RASGRF2: variants seen among roughly 807,000 people sequenced by gnomAD.
RASGRF2 encodes the protein Ras protein specific guanine nucleotide releasing factor 2, also known as ras-specific guanine nucleotide-releasing factor 2.
RASGRF2 carries 76 observed loss-of-function variants against 151.0 expected under a neutral mutation model. The ratio of observed to expected loss-of-function variants is 0.50; its 90% CI spans 0.42 to 0.61. The LOEUF (loss-of-function observed/expected upper bound fraction) is 0.61. Among genes scored for constraint, RASGRF2 ranks in the 20% least tolerant of loss-of-function variants. The pLI, the probability that RASGRF2 is intolerant of heterozygous loss-of-function variation, is 0.00. For missense variants in RASGRF2, 1,148 were observed against 1,564.6 expected (o/e 0.73, Z 4.49); for synonymous variants, 504 against 566.5 (o/e 0.89, Z 1.57).
chr5:80,996,443 C>T (rs888460686), intron 1 of RASGRF2, among the ~76,000 whole-genome samples: 1 of 141,376 alleles, frequency 7.1e-6, no homozygotes, highest in African/African-American at 2.7e-5. Flanking sequence ...TCAGAAGAAA[C>T]TGCAGGATAC....
chr5:81,126,265 C>A (rs910838960), intron 16 of RASGRF2, among the ~76,000 whole-genome samples: 2 of 152,158 alleles, frequency 1.3e-5, no homozygotes, highest in African/African-American at 4.8e-5. Context: ...TTTAAAAGGG[C>A]CACACTTAAA....
chr5:81,221,787 G>C (rs1755861876), intron 26 of RASGRF2, among the ~76,000 whole-genome samples: 1 of 152,186 alleles, frequency 6.6e-6, no homozygotes, highest in South Asian at 2.1e-4. Context: ...GACCAGCCTG[G>C]CCAACATGGT....
chr5:81,039,957 A>T (rs1363025758), intron 1 of RASGRF2, among the ~76,000 whole-genome samples: 1 of 152,146 alleles, frequency 6.6e-6, no homozygotes. Context: ...TCACTCATTT[A>T]AAAAAATACT....
intron 23 of RASGRF2, among the ~76,000 whole-genome samples, chr5:81,213,200 C>T (rs1235654904): frequency 6.6e-6 from 1 of 152,146 alleles, no homozygotes; most frequent in Non-Finnish European, 1.5e-5. Flanking sequence ...CTCTGGCCTC[C>T]TGTGGTCATT....
At chr5:81,172,746 A>G (rs1008373368) in intron 17 of RASGRF2, among the ~76,000 whole-genome samples, 10 of 152,150 alleles carry the variant, frequency 6.6e-5, no homozygotes, top group East Asian at 1.9e-4. Context: ...TAGAAGGCCT[A>G]TGATGCAGTT....
chr5:81,173,598 G>A (rs886820656), intron 17 of RASGRF2, among the ~76,000 whole-genome samples: 2 of 152,090 alleles, frequency 1.3e-5, no homozygotes, highest in African/African-American at 4.8e-5. Context: ...TGTCTGCACT[G>A]ACCAGCTATT....
intron 2 of RASGRF2, among the ~76,000 whole-genome samples, chr5:81,043,847 A>C (rs1039618214): frequency 6.6e-6 from 1 of 150,386 alleles, no homozygotes; most frequent in African/African-American, 2.5e-5. Context: ...TCCCTCTACC[A>C]CTCCCGCCCT....
At chr5:81,201,191 G>A in intron 18 of RASGRF2, 139 bp from the exon 19 acceptor site, 1 of 1,314,768 alleles carries the variant, frequency 7.6e-7, no homozygotes, top group Non-Finnish European at 1.0e-6. Context: ...GACCCTAGGT[G>A]TGGCAGGGAA....
At chr5:81,182,957 G>T (rs1402032288) in intron 18 of RASGRF2, among the ~76,000 whole-genome samples, 1 of 152,130 alleles carries the variant, frequency 6.6e-6, no homozygotes, top group Non-Finnish European at 1.5e-5. Context: ...TATTGTTTTT[G>T]GTTTTCACAT....
intron 17 of RASGRF2, among the ~76,000 whole-genome samples, chr5:81,153,173 T>C (rs1754175450): frequency 6.6e-6 from 1 of 152,194 alleles, no homozygotes; most frequent in Non-Finnish European, 1.5e-5. Context: ...GATACCAGCA[T>C]TGTAATGCAC....
At chr5:80,994,225 G>C (rs1027226576) in intron 1 of RASGRF2, among the ~76,000 whole-genome samples, 1 of 151,898 alleles carries the variant, frequency 6.6e-6, no homozygotes, top group Non-Finnish European at 1.5e-5. Flanking sequence ...AATTAGCCAG[G>C]CGTGGTGGTA....
chr5:81,037,776 G>A (rs147665774), intron 1 of RASGRF2, among the ~76,000 whole-genome samples: 2 of 152,054 alleles, frequency 1.3e-5, no homozygotes, highest in Non-Finnish European at 2.9e-5. Flanking sequence ...AAATAAAAAG[G>A]TTTTTTTAAA....
chr5:81,094,328 A>G lies in RASGRF2; in HGVS notation c.1584A>G (p.Thr528=), dbSNP rs778875372. Residue 528 remains threonine (T), a synonymous_variant, in exon 11 of 27, where the codon ACA becomes ACG. Transcript: ENST00000265080. ...TGGVLSLIDC[T]LIEEPDASDD... is the part of the protein sequence containing the mutation. ...GGGTTCTGTCTCTAATAGACTGCAC[A>G]TTGATTGAGGAGCCAGATGCAAGCG... 4 of 1,613,498 alleles carry G rather than the reference A, an allele frequency of 2.5e-6. No homozygotes were observed. In the South Asian group the frequency reaches 4.4e-5, roughly 18 times the overall value.
At chr5:81,170,282 C>T (rs893747366) in intron 17 of RASGRF2, among the ~76,000 whole-genome samples, 1 of 152,138 alleles carries the variant, frequency 6.6e-6, no homozygotes, top group Non-Finnish European at 1.5e-5. Context: ...CCTCGTTCCA[C>T]TTTGCCCCCC....
chr5:81,080,328 G>C (rs906905554), intron 6 of RASGRF2, 128 bp downstream of exon 6: 17 of 1,475,628 alleles, frequency 1.2e-5, no homozygotes, highest in Non-Finnish European at 1.5e-5. Flanking sequence ...CTGTATCCCG[G>C]GACCCTGTCT....
intron 2 of RASGRF2, among the ~76,000 whole-genome samples, chr5:81,050,486 T>C (rs979818308): frequency 2.0e-5 from 3 of 152,176 alleles, no homozygotes; most frequent in Non-Finnish European, 4.4e-5. Context: ...TTGCTCTGAG[T>C]TCTGGGATGG....
intron 1 of RASGRF2, among the ~76,000 whole-genome samples, chr5:81,032,732 GGCAC>G (rs773685603): frequency 0.081 from 12,324 of 152,076 alleles, 716 homozygotes; most frequent in East Asian, 0.16. Flanking sequence ...TTTGAAAACT[GGCAC>G]AAGACAGGGA....
At chr5:81,140,342 A>G (rs1007141438) in intron 17 of RASGRF2, among the ~76,000 whole-genome samples, 1 of 152,118 alleles carries the variant, frequency 6.6e-6, no homozygotes, top group African/African-American at 2.4e-5. Flanking sequence ...TCCAAAATAT[A>G]TTAAAAATAT....
chr5:81,070,383 G>T, intron 3 of RASGRF2, 109 bp from the exon 4 acceptor site: 1 of 826,848 alleles, frequency 1.2e-6, no homozygotes, highest in South Asian at 1.5e-5. Context: ...TAAAAAGTGG[G>T]TGTTTCCTGA....
Sources: gnomAD v4.1 joint callset for allele counts (sites outside exome capture counted in the v4.1 genomes callset) on GRCh38, gnomAD v4.1.1 for gene constraint, MANE v1.5 for transcripts, NCBI Gene and HGNC (gene_info 2026-07-23, HGNC 2026-07-21) for gene names.